The following ITGB3BP variants were observed in gnomAD, a reference collection of about 807,000 sequenced individuals.
ITGB3BP encodes centromere protein R.
Under a neutral mutation model 29.1 loss-of-function variants are expected in ITGB3BP, and 27 were observed. The observed-to-expected ratio is 0.93, with a 90% CI of 0.68 to 1.28. ITGB3BP has a LOEUF of 1.28. Ranked by LOEUF, ITGB3BP falls within the 50% of genes most tolerant of loss-of-function variation. The pLI, the probability that ITGB3BP is intolerant of heterozygous loss-of-function variation, is 0.00. For missense variants in ITGB3BP, 192 were observed against 200.2 expected (o/e 0.96, Z 0.25); for synonymous variants, 61 against 61.4 (o/e 0.99, Z 0.03).
At chr1:63,504,090 A>C in intron 2 of ITGB3BP, among the ~76,000 whole-genome samples, 1 of 151,804 alleles carries the variant, frequency 6.6e-6, no homozygotes, top group East Asian at 1.9e-4. Flanking sequence ...TTGAATCTAT[A>C]AATTACCTTG....
intron 3 of ITGB3BP, among the ~76,000 whole-genome samples, chr1:63,486,499 C>G (rs1570234632): frequency 6.6e-6 from 1 of 151,710 alleles, no homozygotes; most frequent in Non-Finnish European, 1.5e-5. Flanking sequence ...TACAATAAAG[C>G]TAGAGAAAAA....
intron 4 of ITGB3BP, among the ~76,000 whole-genome samples, chr1:63,468,904 A>AATAAATAAATAT: frequency 6.8e-6 from 1 of 147,718 alleles, no homozygotes; most frequent in African/African-American, 2.5e-5. Context: ...TAAATAAATA[A>AATAAATAAATAT]GGTGGGCGTG....
At chr1:63,444,110 G>A (rs1356397564) in intron 8 of ITGB3BP, among the ~76,000 whole-genome samples, 1 of 152,144 alleles carries the variant, frequency 6.6e-6, no homozygotes, top group Non-Finnish European at 1.5e-5. Flanking sequence ...TGAAAGGGAA[G>A]TTGACTGGTA....
At chr1:63,461,956 A>G (rs1645025034) in intron 4 of ITGB3BP, among the ~76,000 whole-genome samples, 1 of 152,214 alleles carries the variant, frequency 6.6e-6, no homozygotes, top group African/African-American at 2.4e-5. Flanking sequence ...GGTCTCCTGT[A>G]GCTTCATATG....
At chr1:63,521,259 T>TAAA (rs11451867) in intron 1 of ITGB3BP, among the ~76,000 whole-genome samples, 1 of 130,000 alleles carries the variant, frequency 7.7e-6, no homozygotes, top group Non-Finnish European at 1.7e-5. Context: ...GTAACCACAT[T>TAAA]AAAAAAAAAA....
rs909193787 is a variant in ITGB3BP at position 63,461,186 on chromosome 1, G to A, written c.255-6218C>T. On this transcript the variant is annotated intron_variant, in intron 4 of 8. Coordinates refer to ENST00000271002, the MANE Select transcript of ITGB3BP (RefSeq NM_014288.5). ...GGAGAATGGCGTGAACCCGGGAGGC[G>A]GAGCTTGCAGTAAGCCAAGATTGCG... Among the ~76,000 whole-genome samples, 9 of 149,112 alleles carry A rather than the reference G, an allele frequency of 6.0e-5. No homozygotes were observed. In the East Asian group the frequency reaches 7.8e-4, roughly 13 times the overall value.
chr1:63,478,743 T>C (rs1410383162), intron 4 of ITGB3BP, 21 bp downstream of exon 4: 7 of 1,189,642 alleles, frequency 5.9e-6, no homozygotes, highest in Non-Finnish European at 8.4e-6. Flanking sequence ...ACATATATAA[T>C]TTCAAAAATA....
intron 3 of ITGB3BP, among the ~76,000 whole-genome samples, chr1:63,483,131 A>C (rs1645469653): frequency 6.6e-6 from 1 of 152,184 alleles, no homozygotes; most frequent in South Asian, 2.1e-4. Context: ...ACAAAAATAC[A>C]GGTTTTTACA....
At chr1:63,519,088 C>T (rs1646395880) in intron 1 of ITGB3BP, among the ~76,000 whole-genome samples, 1 of 152,096 alleles carries the variant, frequency 6.6e-6, no homozygotes, top group Non-Finnish European at 1.5e-5. Context: ...TAAACATTCT[C>T]ACCTTTTTAA....
At chr1:63,522,391 G>C (rs1490899949) in intron 1 of ITGB3BP, among the ~76,000 whole-genome samples, 1 of 152,118 alleles carries the variant, frequency 6.6e-6, no homozygotes, top group Admixed American at 6.6e-5. Flanking sequence ...TCAACCTGAG[G>C]ACAAGGACGG....
rs1297422620 is a variant in ITGB3BP at position 63,474,701 on chromosome 1, C to T, written c.254+4063G>A. ...AACAGATGCTTGAAGGCAGCATGCT[C>T]GTTAAGAGTCATCACCACTCCCTAA... On this transcript the variant is annotated intron_variant, in intron 4 of 8. Coordinates refer to ENST00000271002, the MANE Select transcript of ITGB3BP (RefSeq NM_014288.5). Among the ~76,000 whole-genome samples, 14 of 151,574 alleles carry T rather than the reference C, an allele frequency of 9.2e-5. No individual in the cohort carries two copies. In the South Asian group the frequency reaches 2.1e-3, roughly 23 times the overall value.
At position 63,454,128 on chromosome 1, in the gene ITGB3BP, T is replaced by C. The variant is rs1644900070; in HGVS notation, c.428-154A>G. On this transcript the variant is annotated intron_variant, in intron 6 of 8. Coordinates refer to ENST00000271002, the MANE Select transcript of ITGB3BP (RefSeq NM_014288.5). This position sits in a 1 kb window ranked among gnomAD's most constrained non-coding sequence, Gnocchi z 4.1. Reference sequence around the variant, plus strand: ...AAATATAATACCTTATTATATATTATAAAAATGGGCATTACATTTGAAATG... The same window carrying C: ...AAATATAATACCTTATTATATATTACAAAAATGGGCATTACATTTGAAATG... 1.3e-5 allele frequency among the ~76,000 whole-genome samples: 2 copies of C among 151,882 alleles called. No homozygotes were observed. The highest frequency in any genetic ancestry group is 1.5e-5 in the Non-Finnish European group (1 of 67,914).
chr1:63,467,555 G>A (rs1380378332), intron 4 of ITGB3BP, among the ~76,000 whole-genome samples: 1 of 148,296 alleles, frequency 6.7e-6, no homozygotes, highest in Non-Finnish European at 1.5e-5. Flanking sequence ...ATTGAATGTA[G>A]AGATGGAGTC....
chr1:63,497,721 T>A (rs1645823665), intron 2 of ITGB3BP, among the ~76,000 whole-genome samples: 2 of 133,032 alleles, frequency 1.5e-5, no homozygotes, highest in African/African-American at 2.7e-5. Context: ...TCTGAATTCA[T>A]GAAGAGGGAA....
chr1:63,485,390 T>G (rs542906666), intron 3 of ITGB3BP, among the ~76,000 whole-genome samples: 2 of 151,984 alleles, frequency 1.3e-5, no homozygotes, highest in Admixed American at 1.3e-4. Flanking sequence ...CCTCCTCACC[T>G]TCCATGATAG....
chr1:63,502,684 G>A (rs1645966176), intron 2 of ITGB3BP, among the ~76,000 whole-genome samples: 1 of 99,878 alleles, frequency 1.0e-5, no homozygotes, highest in South Asian at 3.2e-4. Flanking sequence ...CCCACAACAG[G>A]CCCTGGTGTG....
At chr1:63,526,657 C>T (rs1009029839), upstream of ITGB3BP, among the ~76,000 whole-genome samples, 1 of 152,082 alleles carries the variant, frequency 6.6e-6, no homozygotes, top group Non-Finnish European at 1.5e-5. Flanking sequence ...CTTTTAAAGT[C>T]ATGTTTAATT....
upstream of ITGB3BP, chr1:63,525,689 TAGAG>T: frequency 6.2e-7 from 1 of 1,600,344 alleles, no homozygotes; most frequent in Non-Finnish European, 8.5e-7. Context: ...ATATGAATTG[TAGAG>T]CTGCCTACTT....
upstream of ITGB3BP, among the ~76,000 whole-genome samples, chr1:63,527,050 C>A (rs1646604980): frequency 6.6e-6 from 1 of 152,224 alleles, no homozygotes; most frequent in Non-Finnish European, 1.5e-5. Flanking sequence ...TAGGCGTGAG[C>A]CACCACGCCT....
Sources: allele counts gnomAD v4.1 joint callset (sites outside exome capture counted in the v4.1 genomes callset), GRCh38; gene constraint gnomAD v4.1.1; non-coding constraint Gnocchi (gnomAD v3.1); transcripts MANE v1.5; gene names NCBI Gene and HGNC (gene_info 2026-07-23, HGNC 2026-07-21).